Variants in GABRG2 observed in about 807,000 individuals in gnomAD.
GABRG2 encodes gamma-aminobutyric acid type A receptor subunit gamma2.
In GABRG2, 16 loss-of-function variants were observed where a neutral mutation model predicts 56.4. The observed-to-expected ratio is 0.28, with a 90% CI of 0.19 to 0.43. The LOEUF (loss-of-function observed/expected upper bound fraction) is 0.43. Among genes scored for constraint, GABRG2 ranks in the 20% least tolerant of loss-of-function variants. The pLI is 1.00. For synonymous variants in GABRG2, 208 were observed against 205.5 expected, an observed-to-expected ratio of 1.01 and a Z score of -0.10; for missense variants, 327 against 582.7, an observed-to-expected ratio of 0.56 and a Z score of 4.52.
intron 6 of GABRG2, among the ~76,000 whole-genome samples, chr5:162,139,003 C>T (rs1040912065): frequency 1.3e-5 from 2 of 151,362 alleles, no homozygotes; most frequent in African/African-American, 4.9e-5. Context: ...TTATTTACCA[C>T]TACAACTTAA....
At chr5:162,125,219 C>T (rs578112157) in intron 6 of GABRG2, among the ~76,000 whole-genome samples, 1 of 151,250 alleles carries the variant, frequency 6.6e-6, no homozygotes, top group East Asian at 2.0e-4. Flanking sequence ...TCTTAATTTC[C>T]AACATTTATA....
intron 1 of GABRG2, among the ~76,000 whole-genome samples, chr5:162,083,842 T>A (rs1759847554): frequency 6.6e-6 from 1 of 151,860 alleles, no homozygotes; most frequent in Non-Finnish European, 1.5e-5. Flanking sequence ...TTTCCCAAGT[T>A]CAACGTTTTT....
chr5:162,146,436 G>A (rs1188822142), intron 7 of GABRG2, among the ~76,000 whole-genome samples: 1 of 152,056 alleles, frequency 6.6e-6, no homozygotes, highest in African/African-American at 2.4e-5. Context: ...ATAATAGAAA[G>A]TGCTTGGCAC....
chr5:162,108,041 A>G (rs1761962318), intron 6 of GABRG2, among the ~76,000 whole-genome samples: 1 of 152,194 alleles, frequency 6.6e-6, no homozygotes, highest in South Asian at 2.1e-4. Flanking sequence ...AGCAAGCACT[A>G]TGTGTAAATG....
At chr5:162,082,599 A>T (rs1281660319) in intron 1 of GABRG2, among the ~76,000 whole-genome samples, 3 of 151,700 alleles carry the variant, frequency 2.0e-5, no homozygotes, top group Admixed American at 6.6e-5. Flanking sequence ...GAACTTTTTT[A>T]AAAAAGTAAT....
chr5:162,078,100 GGAAGTA>G (rs1759293298), intron 1 of GABRG2, among the ~76,000 whole-genome samples: 1 of 151,920 alleles, frequency 6.6e-6, no homozygotes, highest in Non-Finnish European at 1.5e-5. Flanking sequence ...CTACTTAGTA[GGAAGTA>G]GCTTCTGCTA....
chr5:162,151,377 A>G, intron 8 of GABRG2: 1 of 214,282 alleles, frequency 4.7e-6, no homozygotes, highest in Admixed American at 5.5e-5. Flanking sequence ...AGACTCACCT[A>G]TTAAGTTATC....
chr5:162,146,980 T>A (rs1026026393), intron 7 of GABRG2, among the ~76,000 whole-genome samples: 1 of 152,240 alleles, frequency 6.6e-6, no homozygotes, highest in Non-Finnish European at 1.5e-5. Flanking sequence ...AGACAAAGAC[T>A]TGAACTGATT....
intron 1 of GABRG2, among the ~76,000 whole-genome samples, chr5:162,080,262 A>G (rs188580176): frequency 6.6e-6 from 1 of 152,270 alleles, no homozygotes; most frequent in Non-Finnish European, 1.5e-5. Context: ...AATAACTTAC[A>G]AGTGTGGTGT....
intron 6 of GABRG2, among the ~76,000 whole-genome samples, chr5:162,108,291 C>A (rs1761981182): frequency 6.6e-6 from 1 of 152,126 alleles, no homozygotes; most frequent in Admixed American, 6.6e-5. Context: ...TCAGTAGGTT[C>A]AATTGAGCAC....
intron 6 of GABRG2, among the ~76,000 whole-genome samples, chr5:162,126,337 G>A (rs1391978489): frequency 1.3e-5 from 2 of 151,956 alleles, no homozygotes; most frequent in African/African-American, 4.8e-5. Flanking sequence ...ATCACAGTGT[G>A]CAATCCAGTG....
intron 7 of GABRG2, among the ~76,000 whole-genome samples, chr5:162,145,153 A>T (rs1764862960): frequency 6.6e-6 from 1 of 152,214 alleles, no homozygotes; most frequent in Non-Finnish European, 1.5e-5. Context: ...GATGAGCAAG[A>T]TAAATTTATC....
At chr5:162,081,651 G>A (rs930662367) in intron 1 of GABRG2, among the ~76,000 whole-genome samples, 2 of 151,814 alleles carry the variant, frequency 1.3e-5, no homozygotes, top group Admixed American at 6.6e-5. Flanking sequence ...ATAAGCACAG[G>A]AAAAGAGGTT....
chr5:162,100,255 G>A (rs752937521), intron 4 of GABRG2: 13 of 151,978 alleles, frequency 8.6e-5, no homozygotes, highest in South Asian at 2.1e-4. Context: ...TAATTGCTCC[G>A]TTATATCATA....
chr5:162,128,764 T>C (rs996061039), intron 6 of GABRG2, among the ~76,000 whole-genome samples: 1 of 152,014 alleles, frequency 6.6e-6, no homozygotes, highest in African/African-American at 2.4e-5. Context: ...TGCATAATTC[T>C]GTGGTCATGG....
intron 6 of GABRG2, chr5:162,129,178 G>C (rs1159613443): frequency 6.6e-6 from 1 of 151,982 alleles, no homozygotes; most frequent in African/African-American, 2.4e-5. Flanking sequence ...AAGAAAGTTT[G>C]TGATCAATGT....
chr5:162,130,622 A>G (rs569530648), intron 6 of GABRG2, among the ~76,000 whole-genome samples: 9 of 152,084 alleles, frequency 5.9e-5, no homozygotes, highest in East Asian at 1.9e-4. Flanking sequence ...GTTTGGCGTT[A>G]TATTTATTAA....
chr5:162,099,623 T>G (rs978093998), intron 4 of GABRG2: 2 of 152,198 alleles, frequency 1.3e-5, no homozygotes, highest in African/African-American at 4.8e-5. Context: ...ACATCAGAGC[T>G]CAGTCCAGCT....
At chr5:162,104,871 A>G (rs959691828) in intron 6 of GABRG2, among the ~76,000 whole-genome samples, 4 of 152,172 alleles carry the variant, frequency 2.6e-5, no homozygotes, top group African/African-American at 9.7e-5. Flanking sequence ...ATGTTTCCAG[A>G]CCAGATATGT....
Sources: gnomAD v4.1 joint callset for allele counts (sites outside exome capture counted in the v4.1 genomes callset) on GRCh38, gnomAD v4.1.1 for gene constraint, MANE v1.5 for transcripts, NCBI Gene and HGNC (gene_info 2026-07-23, HGNC 2026-07-21) for gene names.